Variants in GORASP2 observed in about 807,000 individuals in gnomAD.
GORASP2 encodes golgi reassembly stacking protein 2, also known as Golgi reassembly-stacking protein 2.
In GORASP2, 22 loss-of-function variants were observed where a neutral mutation model predicts 45.7. That is an observed-to-expected ratio of 0.48 (90% CI 0.34 to 0.69). The LOEUF is 0.69. Ranked by LOEUF, GORASP2 falls within the 30% of genes least tolerant of loss-of-function variation. The pLI is 0.01. For synonymous variants in GORASP2, 221 were observed against 215.6 expected (o/e 1.02, Z -0.22); for missense variants, 491 against 562.7 (o/e 0.87, Z 1.29).
rs1008660922 is a variant in GORASP2 at position 170,951,313 on chromosome 2, G to A, written c.436-15G>A. 2 of 1,585,414 alleles carry A rather than the reference G, an allele frequency of 1.3e-6. No homozygotes were observed. On this transcript the variant is annotated splice_polypyrimidine_tract_variant and intron_variant, in intron 4 of 9. Transcript: ENST00000234160. ...ATGGTAACGTGAAACATTTTCTCCT[G>A]TGACACTTTTGCAGTCTGAAGATCT...
chr2:170,933,361 A>G (rs1703872582), intron 1 of GORASP2, among the ~76,000 whole-genome samples: 2 of 152,214 alleles, frequency 1.3e-5, no homozygotes, highest in Non-Finnish European at 2.9e-5. Context: ...TATGTTTAAT[A>G]TCAAATTTTT....
In GORASP2 at chr2:170,954,707, G is replaced by A; in HGVS notation, c.624G>A (p.Glu208=). The change falls in exon 6 of 10, where the codon GAG becomes GAA. Residue 208 remains glutamate, a synonymous_variant. Coordinates refer to ENST00000234160, the MANE Select transcript of GORASP2 (RefSeq NM_015530.5). ...YLHRIPTRPF[E]EGKKISLPGQ... ...ATCGAATACCTACACGCCCATTTGA[G>A]GAAGGAAAGAAAATTTCTCTTCCAG... 6.2e-7 allele frequency: 1 copy of A among 1,613,108 alleles called. No homozygotes were observed. The highest frequency in any genetic ancestry group is 8.5e-7 in the Non-Finnish European group (1 of 1,179,142).
chr2:170,960,548 A>G (rs989259858), intron 7 of GORASP2, among the ~76,000 whole-genome samples: 1 of 152,246 alleles, frequency 6.6e-6, no homozygotes, highest in South Asian at 2.1e-4. Context: ...TGGGAAAGAG[A>G]AGAAATTGGC....
Position 170,929,269 on chromosome 2 carries a change from A to G in GORASP2, c.-72A>G. The G allele has an allele frequency of 8.3e-7, 1 of 1,203,364 alleles. No individual in the cohort carries two copies. The highest frequency in any genetic ancestry group is 2.1e-5 in the South Asian group (1 of 46,556). 74.5% of individuals were successfully genotyped at this position (1,203,364 alleles called of 1,614,324 possible). A position where few individuals can be genotyped will look rare whatever the true frequency, so the allele number is the denominator to read the frequency against. ...CCACGTCCCAAGTGCTACGCGGAGG[A>G]TTAGAGCAGGCGGTGCGCTGGGGGC... On this transcript the variant is annotated 5_prime_UTR_variant, in exon 1 of 10. Transcript: ENST00000234160.
intron 1 of GORASP2, among the ~76,000 whole-genome samples, chr2:170,943,715 C>T (rs557964475): frequency 6.6e-6 from 1 of 152,252 alleles, no homozygotes; most frequent in Admixed American, 6.5e-5. Flanking sequence ...CTCTGTCGCC[C>T]AGGCTGAAGT....
rs369482879 is a variant in GORASP2 at position 170,934,879 on chromosome 2, A to C, written c.63+5476A>C. Among the ~76,000 whole-genome samples the C allele has an allele frequency of 5.3e-5, 8 of 152,152 alleles. No individual in the cohort carries two copies. The South Asian group carries it at 1.5e-3, about 28-fold the overall frequency. ...CAGCCTCCAGAGTGGCTGGGATTAC[A>C]GGTTCCTGCCACCGTGCCCAGCTAA... On this transcript the variant is annotated intron_variant, in intron 1 of 9. Transcript: ENST00000234160.
chr2:170,963,425 CGCTGCTACT>C lies in GORASP2; in HGVS notation c.1018+486_1018+494del, dbSNP rs201182246. Among the ~76,000 whole-genome samples, 122 of 146,608 alleles carry C rather than the reference CGCTGCTACT, an allele frequency of 8.3e-4. 1 individual carries two copies. The highest frequency in any genetic ancestry group is 2.9e-3 in the African/African-American group (110 of 37,510). On this transcript the variant is annotated intron_variant, in intron 9 of 9. Transcript: ENST00000234160. ...GGAAAGAAGAATGTCTCTCAGTCCC[CGCTGCTACT>C]GCTGCTGCTGCTGCTGCTCCTCCTC... is the stretch of plus-strand genomic sequence containing the variant.
At chr2:170,960,108 A>T (rs1319319611) in intron 7 of GORASP2, among the ~76,000 whole-genome samples, 1 of 152,126 alleles carries the variant, frequency 6.6e-6, no homozygotes, top group African/African-American at 2.4e-5. Context: ...GGCATGAGCC[A>T]CCGTGCCTGG....
At position 170,946,620 on chromosome 2, in the gene GORASP2, G is replaced by C. The variant is rs533091307; in HGVS notation, c.64-1730G>C. 1.8e-4 allele frequency among the ~76,000 whole-genome samples: 27 copies of C among 152,054 alleles called. No individual in the cohort carries two copies. In the South Asian group the frequency reaches 4.8e-3, roughly 27 times the overall value. On this transcript the variant is annotated intron_variant, in intron 1 of 9. Coordinates refer to ENST00000234160, the MANE Select transcript of GORASP2 (RefSeq NM_015530.5). ...CTCTACCCCTTCTTTCCAGCCTTTT[G>C]TTAGACTAATAGTTTCAAGATGGAC...
At chr2:170,938,361 G>C (rs899570174) in intron 1 of GORASP2, among the ~76,000 whole-genome samples, 2 of 152,188 alleles carry the variant, frequency 1.3e-5, no homozygotes, top group Non-Finnish European at 2.9e-5. Flanking sequence ...TACCTAACCT[G>C]TACTTTACTG....
chr2:170,947,366 T>C (rs536796889), intron 1 of GORASP2, among the ~76,000 whole-genome samples: 2 of 152,246 alleles, frequency 1.3e-5, no homozygotes, highest in Non-Finnish European at 2.9e-5. Context: ...TTACTCATAC[T>C]GTTTTGTCCA....
chr2:170,954,953 T>C (rs1337133604), intron 6 of GORASP2, among the ~76,000 whole-genome samples, 171 bp downstream of exon 6: 8 of 152,156 alleles, frequency 5.3e-5, no homozygotes, highest in Non-Finnish European at 1.2e-4. Context: ...AGGTTAGATA[T>C]GTGAGTCTGG....
chr2:170,954,416 G>A (rs1704373629), intron 5 of GORASP2: 5 of 475,298 alleles, frequency 1.1e-5, no homozygotes, highest in South Asian at 8.6e-5. Flanking sequence ...TATCCACAGT[G>A]GAGGGCAGGG....
At chr2:170,929,472 C>T in intron 1 of GORASP2, 69 bp downstream of exon 1, 1 of 1,172,420 alleles carries the variant, frequency 8.5e-7, no homozygotes, top group Non-Finnish European at 1.1e-6. Context: ...AGGCGGAGGC[C>T]CCCATGGGCT....
At chr2:170,941,639 A>G (rs1338124138) in intron 1 of GORASP2, among the ~76,000 whole-genome samples, 1 of 152,164 alleles carries the variant, frequency 6.6e-6, no homozygotes, top group East Asian at 1.9e-4. Context: ...ACTCATTTGT[A>G]TCTGGCTTCT....
At chr2:170,941,392 G>C (rs769555463) in intron 1 of GORASP2, among the ~76,000 whole-genome samples, 1 of 152,162 alleles carries the variant, frequency 6.6e-6, no homozygotes, top group Non-Finnish European at 1.5e-5. Context: ...TGTAACCTCA[G>C]TATACTTGTT....
At chr2:170,942,012 T>C (rs1704087337) in intron 1 of GORASP2, among the ~76,000 whole-genome samples, 1 of 152,162 alleles carries the variant, frequency 6.6e-6, no homozygotes, top group African/African-American at 2.4e-5. Flanking sequence ...ACACTTAATA[T>C]TTTTCGTCTT....
intron 1 of GORASP2, among the ~76,000 whole-genome samples, chr2:170,941,901 G>A (rs1246474249): frequency 6.6e-6 from 1 of 152,076 alleles, no homozygotes; most frequent in Non-Finnish European, 1.5e-5. Context: ...CGGTCAAAAG[G>A]TGTGCATATT....
intron 1 of GORASP2, among the ~76,000 whole-genome samples, chr2:170,931,507 AC>A (rs1327964912): frequency 1.3e-5 from 2 of 152,220 alleles, no homozygotes; most frequent in Non-Finnish European, 2.9e-5. Flanking sequence ...GAATAAAATC[AC>A]CCATATTCAA....
Sources: allele counts gnomAD v4.1 joint callset (sites outside exome capture counted in the v4.1 genomes callset), GRCh38; gene constraint gnomAD v4.1.1; transcripts MANE v1.5; gene names NCBI Gene and HGNC (gene_info 2026-07-23, HGNC 2026-07-21).